The following CATSPERB variants were observed in gnomAD, a reference collection of about 807,000 sequenced individuals.
CATSPERB encodes cation channel sperm-associated auxiliary subunit beta.
In CATSPERB, 93 loss-of-function variants were observed where a neutral mutation model predicts 128.3. The ratio of observed to expected loss-of-function variants is 0.72; its 90% CI spans 0.61 to 0.86. CATSPERB has a LOEUF of 0.86. Among genes scored for constraint, CATSPERB ranks in the 40% least tolerant of loss-of-function variants. CATSPERB has a pLI of 0.00. For synonymous variants in CATSPERB, 381 were observed against 448.8 expected, an observed-to-expected ratio of 0.85 and a Z score of 1.91; for missense variants, 1,153 against 1,329.5, an observed-to-expected ratio of 0.87 and a Z score of 2.06.
intron 22 of CATSPERB, among the ~76,000 whole-genome samples, chr14:91,607,080 TGGGCGGG>T (rs1310444534): frequency 6.0e-5 from 2 of 33,434 alleles, no homozygotes; most frequent in African/African-American, 1.4e-4. Flanking sequence ...TGTGTGTGTG[TGGGCGGG>T]GGGGGGGGGG....
intron 11 of CATSPERB, among the ~76,000 whole-genome samples, chr14:91,676,051 T>G (rs1830416051): frequency 1.3e-5 from 2 of 152,156 alleles, no homozygotes; most frequent in South Asian, 4.1e-4. Context: ...GCCCTTCCAT[T>G]ACTGCTTACT....
At chr14:91,605,798 G>C in intron 22 of CATSPERB, among the ~76,000 whole-genome samples, 1 of 152,148 alleles carries the variant, frequency 6.6e-6, no homozygotes. Context: ...TGACTCAGAA[G>C]CATTTCCTCT....
At chr14:91,678,821 A>G (rs1292861044) in intron 11 of CATSPERB, among the ~76,000 whole-genome samples, 1 of 152,162 alleles carries the variant, frequency 6.6e-6, no homozygotes. Flanking sequence ...TTTTTTTGAT[A>G]AATAAGACTA....
At chr14:91,721,853 A>G (rs1189939656) in intron 4 of CATSPERB, among the ~76,000 whole-genome samples, 1 of 150,758 alleles carries the variant, frequency 6.6e-6, no homozygotes, top group African/African-American at 2.4e-5. Flanking sequence ...CTGTCTAAAA[A>G]AAAAAAAAAA....
intron 17 of CATSPERB, 55 bp downstream of exon 17, chr14:91,636,370 T>C: frequency 6.4e-7 from 1 of 1,562,240 alleles, no homozygotes; most frequent in Non-Finnish European, 8.8e-7. Context: ...CTCAAAAAAT[T>C]TAAAAAGTAG....
intron 11 of CATSPERB, among the ~76,000 whole-genome samples, chr14:91,675,146 C>G (rs1411213817): frequency 6.6e-6 from 1 of 152,236 alleles, no homozygotes; most frequent in Non-Finnish European, 1.5e-5. Flanking sequence ...GTCTGTCAAC[C>G]TGGTTTGCAA....
intron 20 of CATSPERB, among the ~76,000 whole-genome samples, chr14:91,610,992 C>T (rs724613): frequency 0.66 from 100,996 of 151,960 alleles, 34,392 homozygotes; most frequent in Admixed American, 0.76. Context: ...CAGAGGAAAC[C>T]AACCCTGCTG....
chr14:91,650,669 T>C lies in CATSPERB; in HGVS notation c.1432+9168A>G, dbSNP rs1354265012. 2.9e-5 allele frequency among the ~76,000 whole-genome samples: 4 copies of C among 136,070 alleles called. No individual in the cohort carries two copies. The South Asian group carries it at 7.6e-4, about 26-fold the overall frequency. 89.3% of individuals were successfully genotyped at this position (136,070 alleles called of 152,430 possible). On this transcript the variant is annotated intron_variant, in intron 15 of 26. Transcript: ENST00000256343. ...TCATTATTGATTTTGGTTTCCTCTG[T>C]TCTTTCTGTTTTTTGTATTTATCCA... is the stretch of plus-strand genomic sequence containing the variant.
intron 6 of CATSPERB, among the ~76,000 whole-genome samples, chr14:91,705,302 T>C (rs1371803388): frequency 2.6e-5 from 4 of 152,200 alleles, no homozygotes; most frequent in Non-Finnish European, 5.9e-5. Flanking sequence ...TTACTTTTTG[T>C]TCTCTTCCCA....
intron 9 of CATSPERB, among the ~76,000 whole-genome samples, chr14:91,692,029 T>C (rs1006030935): frequency 6.6e-6 from 1 of 151,842 alleles, no homozygotes; most frequent in Non-Finnish European, 1.5e-5. Context: ...ATACAAAAAT[T>C]AACTGGGCGT....
chr14:91,727,725 T>C (rs930327004), intron 2 of CATSPERB, among the ~76,000 whole-genome samples: 4 of 152,208 alleles, frequency 2.6e-5, no homozygotes, highest in African/African-American at 7.2e-5. Flanking sequence ...ACTTCTTAAA[T>C]GGTGAGACAC....
At chr14:91,582,077 A>AG (rs1893215558) in intron 26 of CATSPERB, among the ~76,000 whole-genome samples, 1 of 152,228 alleles carries the variant, frequency 6.6e-6, no homozygotes, top group Non-Finnish European at 1.5e-5. Flanking sequence ...CCATTCTTTC[A>AG]GTACTGCTAC....
At chr14:91,601,699 T>C (rs1286165082) in intron 22 of CATSPERB, among the ~76,000 whole-genome samples, 1 of 152,172 alleles carries the variant, frequency 6.6e-6, no homozygotes, top group Non-Finnish European at 1.5e-5. Context: ...TAAATCATTT[T>C]TGAAATACAT....
chr14:91,723,586 G>C (rs985384393), intron 3 of CATSPERB, among the ~76,000 whole-genome samples: 3 of 152,096 alleles, frequency 2.0e-5, no homozygotes, highest in African/African-American at 7.2e-5. Context: ...AAAATGTAGC[G>C]ATCAGAAATG....
chr14:91,689,639 T>G (rs1204350076), intron 10 of CATSPERB, among the ~76,000 whole-genome samples: 1 of 152,194 alleles, frequency 6.6e-6, no homozygotes, highest in Non-Finnish European at 1.5e-5. Context: ...TACCTCATAG[T>G]TTTTCTATTC....
Position 91,616,613 on chromosome 14 carries a change from C to T in CATSPERB, c.2400+984G>A, listed in dbSNP as rs74857033. Among the ~76,000 whole-genome samples, 52 of 152,022 alleles carry T rather than the reference C, an allele frequency of 3.4e-4. No homozygotes were observed. In the East Asian group the frequency reaches 7.1e-3, roughly 21 times the overall value. ...TCACCATTTAGTTTTCATTTAGTAG[C>T]TCATCTTTATTCTATCACAATTTCA... On this transcript the variant is annotated intron_variant, in intron 20 of 26. Coordinates refer to ENST00000256343, the MANE Select transcript of CATSPERB (RefSeq NM_024764.4).
intron 5 of CATSPERB, among the ~76,000 whole-genome samples, chr14:91,713,094 A>G (rs907224882): frequency 1.3e-5 from 2 of 152,240 alleles, no homozygotes; most frequent in African/African-American, 4.8e-5. Flanking sequence ...GGGGCTTTGT[A>G]TGTTATATGA....
At chr14:91,688,593 A>G (rs1895414542) in intron 10 of CATSPERB, among the ~76,000 whole-genome samples, 1 of 152,108 alleles carries the variant, frequency 6.6e-6, no homozygotes, top group East Asian at 1.9e-4. Flanking sequence ...CTCTCCTCAA[A>G]GGCTCACTTT....
intron 20 of CATSPERB, among the ~76,000 whole-genome samples, chr14:91,614,338 A>G (rs1893894744): frequency 6.6e-6 from 1 of 152,156 alleles, no homozygotes; most frequent in Non-Finnish European, 1.5e-5. Flanking sequence ...GCCTTTTTAA[A>G]TACCCAAAAT....
Sources: allele counts gnomAD v4.1 joint callset (sites outside exome capture counted in the v4.1 genomes callset), GRCh38; gene constraint gnomAD v4.1.1; transcripts MANE v1.5; gene names NCBI Gene and HGNC (gene_info 2026-07-23, HGNC 2026-07-21).